The following AQP12B variants were observed in gnomAD, a reference collection of about 807,000 sequenced individuals.
AQP12B encodes the protein aquaporin 12B.
In AQP12B, 8 loss-of-function variants were observed where a neutral mutation model predicts 11.5. The observed-to-expected ratio is 0.70, with a 90% CI of 0.41 to 1.26. The LOEUF is 1.26. Ranked by LOEUF, AQP12B falls within the 50% of genes most tolerant of loss-of-function variation. AQP12B has a pLI of 0.01. For missense variants in AQP12B, 247 were observed against 322.0 expected (o/e 0.77, Z 1.78); for synonymous variants, 123 against 158.0 (o/e 0.78, Z 1.66).
chr2:240,681,431 G>A lies in AQP12B; in HGVS notation c.607+800C>T, dbSNP rs2043909951. ...TGGCCTTTGTGGTCCAGGTTCCGTG[G>A]TGTCTGCCCAGTGCTGGGTCGTGGG... is the stretch of plus-strand genomic sequence containing the variant. On this transcript the variant is annotated intron_variant, in intron 1 of 2. Transcript: ENST00000407834. Among the ~76,000 whole-genome samples, 2 of 69,632 alleles carry A rather than the reference G, an allele frequency of 2.9e-5. 1 individual carries two copies. The highest frequency in any genetic ancestry group is 6.4e-5 in the Non-Finnish European group (2 of 31,492). 45.7% of individuals were successfully genotyped at this position (69,632 alleles called of 152,430 possible). A position where few individuals can be genotyped will look rare whatever the true frequency, so the allele number is the denominator to read the frequency against.
In AQP12B at chr2:240,682,589, G is replaced by C. The variant is rs373980987; in HGVS notation, c.249C>G (p.His83Gln). 1 of 1,613,320 alleles carries C rather than the reference G, an allele frequency of 6.2e-7. No individual in the cohort carries two copies. The highest frequency in any genetic ancestry group is 8.5e-7 in the Non-Finnish European group (1 of 1,179,778). ...CCGAGGCCCCGTCCAAGGTGACCCC[G>C]TGCGCCAGGAAGAGCAGGAAGAGCA... ...LTLLFLLFLA[H>Q]GVTLDGASAN... Residue 83 changes from histidine to glutamine, a missense_variant, in exon 1 of 3, where the codon CAC becomes CAG. Physicochemically the swap from His to Gln is conservative, Grantham distance 24. Around this residue, in one of 4 missense-constraint regions of AQP12B, gnomAD observed 206 missense variants for 173.2 expected, o/e 1.19. Coordinates refer to ENST00000407834, the MANE Select transcript of AQP12B (RefSeq NM_001102467.2).
At position 240,682,504 on chromosome 2, in the gene AQP12B, G is replaced by A. The variant is rs749683318; in HGVS notation, c.334C>T (p.Leu112=). ...AGCCCCTGTGCCGCCAGCTTCAGCAGCGTGCCAGGCAGAGACTCCTCGGCC... is the reference window on the plus strand; with the variant it reads ...AGCCCCTGTGCCGCCAGCTTCAGCAACGTGCCAGGCAGAGACTCCTCGGCC... The part of the protein sequence containing the change: ...LMAEESLPGT[L]LKLAAQGLGM... The change falls in exon 1 of 3, where the codon CTG becomes TTG. Residue 112 remains leucine (L), a synonymous_variant. Coordinates refer to ENST00000407834, the MANE Select transcript of AQP12B (RefSeq NM_001102467.2). 8.1e-6 allele frequency: 13 copies of A among 1,612,226 alleles called. No individual in the cohort carries two copies. The highest frequency in any genetic ancestry group is 6.7e-5 in the Admixed American group (4 of 59,990).
chr2:240,683,449 T>G (rs2043973331), upstream of AQP12B, among the ~76,000 whole-genome samples: 1 of 151,370 alleles, frequency 6.6e-6, no homozygotes, highest in South Asian at 2.1e-4. Context: ...TAGGTGAAGC[T>G]CCCTCCTGCC....
At chr2:240,683,014 C>T (rs2043965315), upstream of AQP12B, 2 of 806,138 alleles carry the variant, frequency 2.5e-6, no homozygotes, top group Non-Finnish European at 3.8e-6. Flanking sequence ...AGGTGCACAG[C>T]CAGGATGGCC....
chr2:240,682,460 G>A lies in AQP12B; in HGVS notation c.378C>T (p.Cys126=), dbSNP rs370900135. ...AGGCCCAGCAGAGGCGCGTCAGGGT[G>A]CAGGCGGCCTGCATGCCCAGCCCCT... ...AAQGLGMQAA[C]TLTRLCWAWE... The change falls in exon 1 of 3, where the codon TGC becomes TGT. Residue 126 remains cysteine, a synonymous_variant. Coordinates refer to ENST00000407834, the MANE Select transcript of AQP12B (RefSeq NM_001102467.2). 6.2e-7 allele frequency: 1 copy of A among 1,610,254 alleles called. No individual in the cohort carries two copies. Among genetic ancestry groups the A allele is most frequent in the Non-Finnish European group, 8.5e-7 (1 of 1,179,280 alleles).
chr2:240,682,559 G>T lies in AQP12B; in HGVS notation c.279C>A (p.Asn93Lys), dbSNP rs1200033519. The change falls in exon 1 of 3, where the codon AAC becomes AAA. Residue 93 changes from asparagine (N) to lysine (K), a missense_variant. Asn to Lys is a moderately conservative substitution (Grantham distance 94, BLOSUM62 0). This residue lies in a region of AQP12B where 206 missense variants were observed against 173.2 expected (regional missense o/e 1.19). Transcript: ENST00000407834. Reference sequence around the variant, plus strand: ...GGAACTCCTGCAGGGACACGGTGGGGTTGGCCGAGGCCCCGTCCAAGGTGA... The same window carrying T: ...GGAACTCCTGCAGGGACACGGTGGGTTTGGCCGAGGCCCCGTCCAAGGTGA... Reference protein sequence around the residue: ...HGVTLDGASANPTVSLQEFLM... With the variant: ...HGVTLDGASAKPTVSLQEFLM... 3 of 1,613,204 alleles carry T rather than the reference G, an allele frequency of 1.9e-6. No homozygotes were observed. The highest frequency in any genetic ancestry group is 2.5e-6 in the Non-Finnish European group (3 of 1,179,846).
upstream of AQP12B, among the ~76,000 whole-genome samples, chr2:240,683,754 C>A (rs1283502453): frequency 2.0e-5 from 3 of 146,540 alleles, no homozygotes; most frequent in African/African-American, 7.6e-5. Context: ...CTGTACTGCC[C>A]TCACCTGCCC....
In AQP12B at chr2:240,676,662, CTTG is replaced by C. The variant is rs1159946588; in HGVS notation, c.804_806del (p.Asn268del). 5 of 510,454 alleles carry C rather than the reference CTTG, an allele frequency of 9.8e-6. No homozygotes were observed. The East Asian group carries it at 1.5e-4, about 16-fold the overall frequency. 31.6% of individuals were successfully genotyped at this position (510,454 alleles called of 1,614,324 possible). A position where few individuals can be genotyped will look rare whatever the true frequency, so the allele number is the denominator to read the frequency against. On this transcript the variant is annotated inframe_deletion, in exon 3 of 3. Coordinates refer to ENST00000407834, the MANE Select transcript of AQP12B (RefSeq NM_001102467.2). ...CCGGCTTCCCTCGGGGTGCTCGGTA[CTTG>C]TTCTTCTGGCCGTAGAACAGGTTCC...
upstream of AQP12B, chr2:240,682,982 C>T: frequency 1.9e-6 from 2 of 1,073,346 alleles, no homozygotes; most frequent in Non-Finnish European, 2.7e-6. Context: ...AGCCCCAGCT[C>T]CCGCCCCACT....
In AQP12B at chr2:240,682,644, C is replaced by T. The variant is rs200240739; in HGVS notation, c.194G>A (p.Gly65Glu). Residue 65 changes from glycine (G) to glutamate (E), a missense_variant, in exon 1 of 3, where the codon GGG (glycine) becomes GAG (glutamate). Transcript: ENST00000407834. ...GAGCAGCAGGTCAGGCCCAAAGTCC[C>T]CAGCCCAGGGCCCGAGCTCGACCAG... The part of the protein sequence containing the change: ...RTLVELGPWA[G>E]DFGPDLLLTL... The T allele has an allele frequency of 5.2e-4, 831 of 1,613,386 alleles. 2 individuals carry two copies. The highest frequency in any genetic ancestry group is 6.3e-4 in the Non-Finnish European group (746 of 1,179,862).
upstream of AQP12B, among the ~76,000 whole-genome samples, chr2:240,683,534 G>T (rs1366136218): frequency 1.3e-5 from 2 of 152,000 alleles, no homozygotes; most frequent in Admixed American, 6.5e-5. Flanking sequence ...GCTAGGCCAG[G>T]CCCCCTGCAC....
upstream of AQP12B, among the ~76,000 whole-genome samples, chr2:240,683,594 C>T (rs1372486510): frequency 1.3e-5 from 2 of 151,514 alleles, no homozygotes; most frequent in Non-Finnish European, 2.9e-5. Context: ...TGGCTCCCTG[C>T]ACCTCCACTG....
At chr2:240,683,006 G>C, upstream of AQP12B, 3 of 865,022 alleles carry the variant, frequency 3.5e-6, no homozygotes, top group Non-Finnish European at 5.3e-6. Flanking sequence ...TGCCACCCAG[G>C]TGCACAGCCA....
At position 240,682,447 on chromosome 2, in the gene AQP12B, G is replaced by T. The variant is rs887938244; in HGVS notation, c.391C>A (p.Leu131Ile). ...TCACTGAGCTCCCAGGCCCAGCAGA[G>T]GCGCGTCAGGGTGCAGGCGGCCTGC... is the stretch of plus-strand genomic sequence containing the variant. ...GMQAACTLTRLCWAWELSDLH... is the reference protein window; with the variant it reads ...GMQAACTLTRICWAWELSDLH... The change falls in exon 1 of 3, where the codon CTC (leucine) becomes ATC (isoleucine). Residue 131 changes from leucine to isoleucine, a missense_variant. Leu to Ile is a conservative substitution (Grantham distance 5). Around this residue, in one of 4 missense-constraint regions of AQP12B, gnomAD observed 206 missense variants for 173.2 expected, o/e 1.19. Transcript: ENST00000407834. 6.2e-7 allele frequency: 1 copy of T among 1,608,040 alleles called. No homozygotes were observed. Among genetic ancestry groups the T allele is most frequent in the Non-Finnish European group, 8.5e-7 (1 of 1,178,060 alleles).
Position 240,682,814 on chromosome 2 carries a change from G to C in AQP12B, c.24C>G (p.Leu8=). The part of the protein sequence containing the change: MAGLNVS[L]SFFFATFTLC... ...GGGTGAAGGTGGCAAAGAAGAAGGA[G>C]AGGGACACGTTAAGACCTGCCATCG... The change falls in exon 1 of 3, where the codon CTC becomes CTG. Residue 8 remains leucine, a synonymous_variant. Coordinates refer to ENST00000407834, the MANE Select transcript of AQP12B (RefSeq NM_001102467.2). 9 of 1,602,506 alleles carry C rather than the reference G, an allele frequency of 5.6e-6. No homozygotes were observed. The highest frequency in any genetic ancestry group is 1.4e-5 in the African/African-American group (1 of 73,752).
In AQP12B at chr2:240,680,949, G is replaced by A. The variant is rs1446497667; in HGVS notation, c.608-481C>T. On this transcript the variant is annotated intron_variant, in intron 1 of 2. Transcript: ENST00000407834. ...GAGAGAGGAGAGACAGAGAGAGAGA[G>A]GAGAGACAGAGAGAGATCTCAGAAA... Among the ~76,000 whole-genome samples the A allele has an allele frequency of 2.1e-4, 19 of 89,750 alleles. 1 individual carries two copies. Among genetic ancestry groups the A allele is most frequent in the Non-Finnish European group, 2.8e-4 (14 of 50,090 alleles). The allele number at this position is 89,750 out of a possible 152,430, so 58.9% of individuals were successfully genotyped here.
rs1419116939 is a variant in AQP12B at position 240,682,513 on chromosome 2, G to T, written c.325C>A (p.Pro109Thr). ...QEFLMAEESL[P>T]GTLLKLAAQG... The stretch of plus-strand genomic sequence containing the variant: ...GCCGCCAGCTTCAGCAGCGTGCCAG[G>T]CAGAGACTCCTCGGCCATGAGGAAC... The change falls in exon 1 of 3, where the codon CCT (proline) becomes ACT (threonine). Residue 109 changes from proline (P) to threonine (T), a missense_variant. Pro to Thr is a conservative substitution (Grantham distance 38). Around this residue, in one of 4 missense-constraint regions of AQP12B, gnomAD observed 206 missense variants for 173.2 expected, o/e 1.19. Coordinates refer to ENST00000407834, the MANE Select transcript of AQP12B (RefSeq NM_001102467.2). 2 of 1,612,580 alleles carry T rather than the reference G, an allele frequency of 1.2e-6. No homozygotes were observed. Among genetic ancestry groups the T allele is most frequent in the Admixed American group, 3.3e-5 (2 of 60,012 alleles).
intron 1 of AQP12B, 85 bp downstream of exon 1, chr2:240,682,146 T>A: frequency 1.5e-6 from 1 of 658,738 alleles, no homozygotes; most frequent in Non-Finnish European, 2.4e-6. Context: ...CCCCCTATCC[T>A]GGGTGCAAAC....
rs80038749 is a variant in AQP12B at position 240,682,394 on chromosome 2, G to A, written c.444C>T (p.Ala148=). The A allele has an allele frequency of 0.02, 31,253 of 1,583,708 alleles. 393 individuals are homozygous for A. Among genetic ancestry groups the A allele is most frequent in the Non-Finnish European group, 0.024 (27,693 of 1,164,202 alleles). ...TGCGCAGGGCCGAGCTGCAGCTCTG[G>A]GCCATGAGGCTCTGCAGCAGGTGCA... ...SDLHLLQSLM[A]QSCSSALRTS... The change falls in exon 1 of 3, where the codon GCC becomes GCT. Residue 148 remains alanine, a synonymous_variant. Transcript: ENST00000407834.
Sources: allele counts gnomAD v4.1 joint callset (sites outside exome capture counted in the v4.1 genomes callset), GRCh38; gene constraint gnomAD v4.1.1; regional missense constraint gnomAD v4.1.1; transcripts MANE v1.5; gene names NCBI Gene and HGNC (gene_info 2026-07-23, HGNC 2026-07-21).